NLGN4X: variants seen among roughly 807,000 people sequenced by gnomAD.
The protein encoded by NLGN4X is neuroligin-4, X-linked.
Under a neutral mutation model 40.3 loss-of-function variants are expected in NLGN4X, and 3 were observed. That is an observed-to-expected ratio of 0.07 (90% confidence interval 0.03 to 0.19). The LOEUF is 0.19. Among genes scored for constraint, NLGN4X ranks in the 10% least tolerant of loss-of-function variants. NLGN4X has a pLI of 1.00. For synonymous variants in NLGN4X, 270 were observed against 306.8 expected (o/e 0.88, Z 1.25); for missense variants, 382 against 708.3 (o/e 0.54, Z 5.23).
chrX:6,091,875 CCTT>C (rs1465394443), intron 2 of NLGN4X, among the ~76,000 whole-genome samples: 2 of 110,634 alleles, frequency 1.8e-5, no homozygotes, highest in South Asian at 3.9e-4. Context: ...TTCCTCCTCT[CCTT>C]CTTTACTTCC....
chrX:6,032,224 A>AGC (rs2036879969), intron 2 of NLGN4X, among the ~76,000 whole-genome samples: 1 of 8,265 alleles, frequency 1.2e-4, no homozygotes. Context: ...CTGATATTTC[A>AGC]GCCCCCCCCC....
chrX:6,019,240 G>T (rs963142258), intron 3 of NLGN4X, among the ~76,000 whole-genome samples: 1 of 112,065 alleles, frequency 8.9e-6, no homozygotes, highest in Non-Finnish European at 1.9e-5. Flanking sequence ...CTGCTGTCAT[G>T]CATGTACATA....
At chrX:5,947,392 C>T (rs757213072) in intron 3 of NLGN4X, among the ~76,000 whole-genome samples, 1 of 111,736 alleles carries the variant, frequency 8.9e-6, no homozygotes, top group Admixed American at 9.6e-5. Flanking sequence ...GATGAAGGAA[C>T]GTTTGCACAA....
intron 3 of NLGN4X, among the ~76,000 whole-genome samples, chrX:5,931,487 T>C (rs1023367716): frequency 1.9e-4 from 21 of 112,095 alleles, no homozygotes; most frequent in African/African-American, 6.5e-4. Context: ...ATGTGGTCTG[T>C]GGGAATGAAG....
intron 2 of NLGN4X, among the ~76,000 whole-genome samples, chrX:6,142,855 A>T (rs1461972313): frequency 8.9e-6 from 1 of 111,969 alleles, no homozygotes; most frequent in African/African-American, 3.2e-5. Context: ...GTTAGGAATA[A>T]AGCAGAATGA....
At chrX:5,935,427 T>C (rs1292774317) in intron 3 of NLGN4X, among the ~76,000 whole-genome samples, 4 of 112,521 alleles carry the variant, frequency 3.6e-5, no homozygotes, top group Non-Finnish European at 7.5e-5. Context: ...CAAAGACAGC[T>C]AATTTCATTT....
At chrX:6,114,512 A>G (rs896212082) in intron 2 of NLGN4X, among the ~76,000 whole-genome samples, 4 of 90,544 alleles carry the variant, frequency 4.4e-5, no homozygotes, top group African/African-American at 1.4e-4. Context: ...TCTTTCCATC[A>G]AAGTGGCAAA....
At chrX:6,150,875 T>C (rs1244589585) in intron 2 of NLGN4X, 120 bp downstream of exon 2, 2 of 614,803 alleles carry the variant, frequency 3.3e-6, no homozygotes, top group Non-Finnish European at 5.2e-6. Context: ...GAAAAATAAA[T>C]TAAAATAAAA....
intron 3 of NLGN4X, among the ~76,000 whole-genome samples, chrX:5,943,864 G>T (rs1262371688): frequency 8.9e-6 from 1 of 112,395 alleles, no homozygotes; most frequent in African/African-American, 3.2e-5. Context: ...AACTGAGATA[G>T]GCCAGGGAGG....
At chrX:6,096,946 CGTGTGTGTGT>C (rs35895741) in intron 2 of NLGN4X, among the ~76,000 whole-genome samples, 1 of 100,559 alleles carries the variant, frequency 9.9e-6, no homozygotes, top group African/African-American at 3.6e-5. Context: ...ATTTTCATAT[CGTGTGTGTGT>C]GTGTGTGTGT....
At chrX:6,070,376 T>C in intron 2 of NLGN4X, among the ~76,000 whole-genome samples, 1 of 111,968 alleles carries the variant, frequency 8.9e-6, no homozygotes, top group Non-Finnish European at 1.9e-5. Context: ...GCTAAAAAGC[T>C]AGAGTTTTTC....
chrX:6,078,198 T>C (rs1449685399), intron 2 of NLGN4X, among the ~76,000 whole-genome samples: 1 of 111,846 alleles, frequency 8.9e-6, no homozygotes, highest in Non-Finnish European at 1.9e-5. Context: ...CCATCAGCAA[T>C]TCTGTCCTTC....
At chrX:6,010,142 T>C (rs1210300333) in intron 3 of NLGN4X, among the ~76,000 whole-genome samples, 1 of 112,010 alleles carries the variant, frequency 8.9e-6, no homozygotes, top group East Asian at 2.8e-4. Flanking sequence ...GGAGTACAGA[T>C]AAATATCTTG....
intron 2 of NLGN4X, among the ~76,000 whole-genome samples, chrX:6,045,783 A>C (rs1164906714): frequency 1.1e-5 from 1 of 91,947 alleles, no homozygotes; most frequent in Non-Finnish European, 2.2e-5. Flanking sequence ...TTTTCACTAA[A>C]AGTATAAACA....
chrX:6,166,650 T>C (rs1415886161), intron 1 of NLGN4X, among the ~76,000 whole-genome samples: 1 of 110,574 alleles, frequency 9.0e-6, no homozygotes, highest in Admixed American at 9.8e-5. Context: ...CAGCAAAGGT[T>C]ACAGCTTTCT....
chrX:5,970,437 C>A (rs1228995293), intron 3 of NLGN4X, among the ~76,000 whole-genome samples: 1 of 112,118 alleles, frequency 8.9e-6, no homozygotes, highest in East Asian at 2.8e-4. Flanking sequence ...TTCTGCAAGG[C>A]CTTTGACTTA....
chrX:5,900,243 A>C (rs1407449719), intron 5 of NLGN4X, among the ~76,000 whole-genome samples: 1 of 112,251 alleles, frequency 8.9e-6, no homozygotes, highest in Non-Finnish European at 1.9e-5. Context: ...ATTTATGTTA[A>C]GTTGAGGTCA....
chrX:6,141,124 T>C (rs2039940079), intron 2 of NLGN4X, among the ~76,000 whole-genome samples: 1 of 111,554 alleles, frequency 9.0e-6, no homozygotes, highest in African/African-American at 3.3e-5. Flanking sequence ...GGCTCTCAAA[T>C]CTGGAGCTCA....
rs533496270 is a variant in NLGN4X at position 6,127,698 on chromosome X, T to A, written c.472+23297A>T. ...AAAATAACATGAGATTCCCACCTCA[T>A]TTCATATATAAAAATAAACTCTGCA... is the stretch of plus-strand genomic sequence containing the variant. On this transcript the variant is annotated intron_variant, in intron 2 of 5. Transcript: ENST00000381095. Among the ~76,000 whole-genome samples, 17 of 112,658 alleles carry A rather than the reference T, an allele frequency of 1.5e-4. No homozygotes were observed. The South Asian group carries it at 5.9e-3, about 39-fold the overall frequency.
Sources: gnomAD v4.1 joint callset for allele counts (sites outside exome capture counted in the v4.1 genomes callset) on GRCh38, gnomAD v4.1.1 for gene constraint, MANE v1.5 for transcripts, NCBI Gene and HGNC (gene_info 2026-07-23, HGNC 2026-07-21) for gene names.